Variants in REDIC1 observed in about 807,000 individuals in gnomAD.
REDIC1 encodes the protein regulator of DNA class I crossover intermediates 1.
At chr12:39,759,823 A>C in the REDIC1 span, 1 of 536,234 alleles carries the variant, frequency 1.9e-6, no homozygotes, top group Non-Finnish European at 3.3e-6. Context: ...AATCTCTGTA[A>C]ATATTTTTTA....
the REDIC1 span, among the ~76,000 whole-genome samples, chr12:39,705,487 A>G: frequency 6.6e-6 from 1 of 152,134 alleles, no homozygotes; most frequent in Non-Finnish European, 1.5e-5. Context: ...ACCTGATACC[A>G]AAACCAGACA....
chr12:39,785,180 A>T, the REDIC1 span, among the ~76,000 whole-genome samples: 1 of 152,142 alleles, frequency 6.6e-6, no homozygotes, highest in Non-Finnish European at 1.5e-5. Flanking sequence ...AGCCCCTCCC[A>T]TCACAGGACC....
the REDIC1 span, among the ~76,000 whole-genome samples, chr12:39,836,274 C>T: frequency 2.0e-5 from 3 of 152,070 alleles, no homozygotes; most frequent in Non-Finnish European, 2.9e-5. Flanking sequence ...GCTGGGGGAA[C>T]TGAATGCAGA....
chr12:39,684,139 TGA>T, the REDIC1 span: 1,056 of 1,003,424 alleles, frequency 1.1e-3, 2 homozygotes, highest in Non-Finnish European at 1.2e-3. Context: ...CAAAATGTTC[TGA>T]GTTTAAGGTG....
chr12:39,709,622 T>A, the REDIC1 span, among the ~76,000 whole-genome samples: 2 of 151,866 alleles, frequency 1.3e-5, no homozygotes, highest in South Asian at 4.1e-4. Flanking sequence ...CTTGTTTCAC[T>A]TAGCATAATG....
the REDIC1 span, among the ~76,000 whole-genome samples, chr12:39,892,193 C>T: frequency 6.6e-6 from 1 of 152,184 alleles, no homozygotes; most frequent in Admixed American, 6.5e-5. Context: ...GCAGCCATAG[C>T]TATATTTCTG....
At chr12:39,679,739 C>T in the REDIC1 span, among the ~76,000 whole-genome samples, 1 of 152,170 alleles carries the variant, frequency 6.6e-6, no homozygotes, top group Non-Finnish European at 1.5e-5. Flanking sequence ...TGACTTCAAA[C>T]TATACTACAG....
At chr12:39,728,688 T>C in the REDIC1 span, among the ~76,000 whole-genome samples, 1 of 152,126 alleles carries the variant, frequency 6.6e-6, no homozygotes, top group South Asian at 2.1e-4. Flanking sequence ...AGTCCCTCTT[T>C]TTCTATTGTT....
At chr12:39,840,451 G>A in the REDIC1 span, among the ~76,000 whole-genome samples, 1 of 151,810 alleles carries the variant, frequency 6.6e-6, no homozygotes, top group Non-Finnish European at 1.5e-5. Flanking sequence ...TCCTTTTATG[G>A]CATCATTTAG....
the REDIC1 span, among the ~76,000 whole-genome samples, chr12:39,868,058 A>C: frequency 3.3e-5 from 5 of 152,360 alleles, no homozygotes; most frequent in African/African-American, 1.2e-4. Context: ...ATATTTAGTT[A>C]GTTACAGATG....
chr12:39,661,500 G>A, the REDIC1 span, among the ~76,000 whole-genome samples: 1 of 151,636 alleles, frequency 6.6e-6, no homozygotes, highest in Admixed American at 6.6e-5. Context: ...TTAACGGGTT[G>A]TTTGTTTTTT....
the REDIC1 span, among the ~76,000 whole-genome samples, chr12:39,895,539 TATATATATATATACAC>T: frequency 1.4e-4 from 13 of 95,482 alleles, no homozygotes; most frequent in Admixed American, 4.5e-4. Context: ...TATATATATA[TATATATATATATACAC>T]ACACACACAC....
At chr12:39,697,545 T>C in the REDIC1 span, among the ~76,000 whole-genome samples, 1 of 152,186 alleles carries the variant, frequency 6.6e-6, no homozygotes. Flanking sequence ...ATAATAACTA[T>C]ATCAGCTTTT....
At chr12:39,637,831 T>C in the REDIC1 span, among the ~76,000 whole-genome samples, 1 of 152,104 alleles carries the variant, frequency 6.6e-6, no homozygotes, top group Non-Finnish European at 1.5e-5. Context: ...TAGTCTCTTA[T>C]TACGGTTGTC....
At chr12:39,856,514 G>T in the REDIC1 span, among the ~76,000 whole-genome samples, 1 of 151,994 alleles carries the variant, frequency 6.6e-6, no homozygotes, top group African/African-American at 2.4e-5. Context: ...GACTACAGGC[G>T]CATGCCACCA....
the REDIC1 span, among the ~76,000 whole-genome samples, chr12:39,875,768 G>A: frequency 6.6e-6 from 1 of 152,158 alleles, no homozygotes; most frequent in Admixed American, 6.5e-5. Context: ...ATGGTCTTAT[G>A]GGGAGATACA....
At chr12:39,820,696 C>G in the REDIC1 span, among the ~76,000 whole-genome samples, 1 of 72,304 alleles carries the variant, frequency 1.4e-5, no homozygotes, top group East Asian at 4.3e-4. Flanking sequence ...CATGTATAAT[C>G]TTCGGCTTAA....
At chr12:39,664,330 G>A in the REDIC1 span, among the ~76,000 whole-genome samples, 1 of 150,926 alleles carries the variant, frequency 6.6e-6, no homozygotes, top group African/African-American at 2.4e-5. Flanking sequence ...GTGGTGTTTG[G>A]TTTATTGTCC....
the REDIC1 span, among the ~76,000 whole-genome samples, chr12:39,896,215 C>T: frequency 3.6e-5 from 5 of 139,728 alleles, no homozygotes; most frequent in Admixed American, 2.1e-4. Context: ...CATGTATATA[C>T]GTATACATAT....
Sources: allele counts gnomAD v4.1 joint callset (sites outside exome capture counted in the v4.1 genomes callset), GRCh38; gene constraint gnomAD v4.1.1; transcripts MANE v1.5; gene names NCBI Gene and HGNC (gene_info 2026-07-23, HGNC 2026-07-21).